Variants in DNAI3 observed in about 807,000 individuals in gnomAD.
The protein encoded by DNAI3 is dynein axonemal intermediate chain 3.
DNAI3 carries 83 observed loss-of-function variants against 115.5 expected under a neutral mutation model. The ratio of observed to expected loss-of-function variants is 0.72; its 90% CI spans 0.60 to 0.86. The LOEUF (loss-of-function observed/expected upper bound fraction) is 0.86, where lower values mean the gene tolerates loss of function less well. Ranked by LOEUF, DNAI3 falls within the 40% of genes least tolerant of loss-of-function variation. The pLI is 0.00. For missense variants in DNAI3, 1,004 were observed against 1,075.8 expected (o/e 0.93, Z 0.93); for synonymous variants, 320 against 347.0 (o/e 0.92, Z 0.86).
intron 1 of DNAI3, among the ~76,000 whole-genome samples, chr1:85,064,449 A>G (rs1654027762): frequency 1.3e-5 from 2 of 152,342 alleles, no homozygotes; most frequent in African/African-American, 4.8e-5. Context: ...TTGCCAAAAT[A>G]TGGCTGAAGG....
At chr1:85,078,022 G>T (rs1221370048) in intron 3 of DNAI3, among the ~76,000 whole-genome samples, 1 of 152,158 alleles carries the variant, frequency 6.6e-6, no homozygotes, top group Non-Finnish European at 1.5e-5. Context: ...CATGAATTGT[G>T]TAGAGCTTGA....
At chr1:85,099,388 A>G in intron 13 of DNAI3, 1 of 576,068 alleles carries the variant, frequency 1.7e-6, no homozygotes. Flanking sequence ...TGCTTCAAAG[A>G]GAATAAAATA....
intron 11 of DNAI3, among the ~76,000 whole-genome samples, chr1:85,096,469 T>G (rs709768): frequency 0.16 from 23,470 of 147,178 alleles, 2,930 homozygotes; most frequent in African/African-American, 0.34. Flanking sequence ...TATATATATA[T>G]ATAGATAGAT....
At chr1:85,114,592 C>T (rs1192792950) in intron 16 of DNAI3, among the ~76,000 whole-genome samples, 1 of 152,190 alleles carries the variant, frequency 6.6e-6, no homozygotes, top group Non-Finnish European at 1.5e-5. Context: ...CATGATCTGC[C>T]TCCTGTGTGA....
chr1:85,093,390 T>C, intron 8 of DNAI3, 68 bp from the exon 9 acceptor site: 1 of 1,443,604 alleles, frequency 6.9e-7, no homozygotes, highest in Non-Finnish European at 9.6e-7. Flanking sequence ...GAGGAGTTGC[T>C]AAGATAGTCA....
intron 22 of DNAI3, among the ~76,000 whole-genome samples, chr1:85,132,605 G>A (rs896873026): frequency 2.0e-5 from 3 of 151,730 alleles, no homozygotes. Context: ...GAGTTATAGG[G>A]AAGAAGGCCG....
At chr1:85,096,514 TATATAAAGATTA>T (rs1655131454) in intron 11 of DNAI3, among the ~76,000 whole-genome samples, 2 of 12,628 alleles carry the variant, frequency 1.6e-4, no homozygotes, top group South Asian at 7.8e-3. Context: ...ATAAAGATTA[TATATAAAGATTA>T]TATATATATA....
In DNAI3 at chr1:85,104,605, T is replaced by C. The variant is rs1655430880; in HGVS notation, c.1553+8T>C. 1.2e-6 allele frequency: 2 copies of C among 1,612,768 alleles called. No homozygotes were observed. The highest frequency in any genetic ancestry group is 2.7e-5 in the African/African-American group (2 of 74,922). On this transcript the variant is annotated splice_region_variant and intron_variant, in intron 14 of 22. Transcript: ENST00000294664. ...CACATGTTCAGCAGATTGGTAAGTC[T>C]TGTTTCAAACATTTCCTAATGTGTT...
intron 7 of DNAI3, 94 bp downstream of exon 7, chr1:85,086,124 G>T: frequency 8.7e-7 from 1 of 1,154,492 alleles, no homozygotes; most frequent in Non-Finnish European, 1.2e-6. Flanking sequence ...ATAATAAATA[G>T]AAATGGATTA....
chr1:85,097,650 C>T lies in DNAI3; in HGVS notation c.1345C>T (p.Leu449=), dbSNP rs779788612. The T allele has an allele frequency of 6.2e-7, 1 of 1,609,992 alleles. No individual in the cohort carries two copies. ...AGGSRSKRAT[L]KPMFLLEPES... is the part of the protein sequence containing the mutation. ...TGGTAGTAGAAGTAAAAGAGCCACA[C>T]TGAAGGTAAGCTTTTTACAACATTT... Residue 449 remains leucine, a synonymous_variant, in exon 12 of 23, where the codon CTG becomes TTG. Transcript: ENST00000294664.
At chr1:85,122,096 G>T (rs1197002021) in intron 18 of DNAI3, among the ~76,000 whole-genome samples, 1 of 152,212 alleles carries the variant, frequency 6.6e-6, no homozygotes, top group African/African-American at 2.4e-5. Context: ...ACCAAAATTT[G>T]AGGAGCACTG....
At chr1:85,068,872 C>T (rs1018123377) in intron 1 of DNAI3, among the ~76,000 whole-genome samples, 6 of 152,088 alleles carry the variant, frequency 3.9e-5, no homozygotes, top group African/African-American at 1.4e-4. Context: ...ATGTCAGTGC[C>T]AAGGAGAAAG....
chr1:85,100,421 A>C (rs897565374), intron 13 of DNAI3, among the ~76,000 whole-genome samples: 2 of 152,248 alleles, frequency 1.3e-5, no homozygotes, highest in Non-Finnish European at 2.9e-5. Flanking sequence ...AACCACAATG[A>C]GATACCATCT....
intron 1 of DNAI3, among the ~76,000 whole-genome samples, chr1:85,065,913 T>C (rs1303478039): frequency 6.6e-6 from 1 of 152,202 alleles, no homozygotes; most frequent in Non-Finnish European, 1.5e-5. Flanking sequence ...GAGAGTTAGT[T>C]TGGAAGCAGA....
intron 14 of DNAI3, among the ~76,000 whole-genome samples, chr1:85,105,541 AG>A (rs60235332): frequency 0.45 from 55,682 of 124,956 alleles, 12,162 homozygotes; most frequent in African/African-American, 0.51. Flanking sequence ...AAAAAAAAAA[AG>A]AAAAAGAAAA....
chr1:85,131,391 C>CCGAGAT (rs1015707962), intron 22 of DNAI3, among the ~76,000 whole-genome samples: 6 of 142,948 alleles, frequency 4.2e-5, no homozygotes, highest in African/African-American at 1.6e-4. Flanking sequence ...TTATGGTGAG[C>CCGAGAT]CGAGATTGTG....
In DNAI3 at chr1:85,073,131, T is replaced by C. The variant is rs186925984; in HGVS notation, c.103+39T>C. On this transcript the variant is annotated intron_variant, in intron 3 of 22. Coordinates refer to ENST00000294664, the MANE Select transcript of DNAI3 (RefSeq NM_145172.5). ...TAATTTACAACTTACATCCTCAGTTTTATAATATTTTAATAATGCAATAAG... is the reference window on the plus strand; with the variant it reads ...TAATTTACAACTTACATCCTCAGTTCTATAATATTTTAATAATGCAATAAG... 243 of 1,424,444 alleles carry C rather than the reference T, an allele frequency of 1.7e-4. 1 individual carries two copies. In the East Asian group the frequency reaches 2.5e-3, roughly 15 times the overall value. The allele number at this position is 1,424,444 out of a possible 1,614,324, so 88.2% of individuals were successfully genotyped here. A position where few individuals can be genotyped will look rare whatever the true frequency, so the allele number is the denominator to read the frequency against.
Position 85,082,370 on chromosome 1 carries a change from T to C in DNAI3, c.356T>C (p.Ile119Thr). The C allele has an allele frequency of 6.2e-7, 1 of 1,613,922 alleles. No homozygotes were observed. The highest frequency in any genetic ancestry group is 1.3e-5 in the African/African-American group (1 of 75,032). The change falls in exon 5 of 23, where the codon ATT becomes ACT. Residue 119 changes from isoleucine (I) to threonine (T), a missense_variant. Physicochemically the swap from Ile to Thr is moderately conservative, Grantham distance 89 (BLOSUM62 -1). Transcript: ENST00000294664. The part of the protein sequence containing the change: ...DFKYGLNFYL[I>T]ATEEGKENYL... The stretch of plus-strand genomic sequence containing the variant: ...AAATATGGACTTAACTTTTATCTTA[T>C]TGCAACTGAAGAGGGCAAAGAAAAC...
At chr1:85,107,990 T>A (rs1655538362) in intron 14 of DNAI3, 43 bp from the exon 15 acceptor site, 2 of 1,399,078 alleles carry the variant, frequency 1.4e-6, no homozygotes, top group African/African-American at 1.5e-5. Flanking sequence ...AGGCTGCACC[T>A]CTTGTTTGTA....
Sources: gnomAD v4.1 joint callset for allele counts (sites outside exome capture counted in the v4.1 genomes callset) on GRCh38, gnomAD v4.1.1 for gene constraint, MANE v1.5 for transcripts, NCBI Gene and HGNC (gene_info 2026-07-23, HGNC 2026-07-21) for gene names.